ANKS6: variants seen among roughly 807,000 people sequenced by gnomAD.
ANKS6 encodes the protein ankyrin repeat and SAM domain-containing protein 6.
A neutral mutation model predicts 77.9 loss-of-function variants in ANKS6; 47 were observed. The observed-to-expected ratio is 0.60, with a 90% confidence interval of 0.48 to 0.77. The LOEUF is 0.77. Ranked by LOEUF, ANKS6 falls within the 30% of genes least tolerant of loss-of-function variation. ANKS6 has a pLI of 0.00. For synonymous variants in ANKS6, 488 were observed against 501.7 expected, an observed-to-expected ratio of 0.97 and a Z score of 0.37; for missense variants, 1,150 against 1,159.1, an observed-to-expected ratio of 0.99 and a Z score of 0.11.
chr9:98,756,851 C>T (rs1197987355), intron 11 of ANKS6, among the ~76,000 whole-genome samples: 1 of 151,694 alleles, frequency 6.6e-6, no homozygotes, highest in Non-Finnish European at 1.5e-5. Context: ...CAGGAACCAC[C>T]CCGCTCCCCA....
At chr9:98,789,873 C>A in intron 2 of ANKS6, 1 of 526,244 alleles carries the variant, frequency 1.9e-6, no homozygotes. Flanking sequence ...GTTATAGAGG[C>A]TTCCAGGCTC....
intron 14 of ANKS6, 80 bp downstream of exon 14, chr9:98,745,479 A>G: frequency 7.4e-7 from 1 of 1,356,388 alleles, no homozygotes; most frequent in Admixed American, 1.7e-5. Flanking sequence ...AGAGGAAGTA[A>G]GACCTTCCCA....
chr9:98,770,836 C>T, intron 10 of ANKS6, 60 bp downstream of exon 10: 1 of 1,315,552 alleles, frequency 7.6e-7, no homozygotes, highest in Non-Finnish European at 9.8e-7. Flanking sequence ...CCAGGCAGTG[C>T]ACACCCTCAG....
In ANKS6 at chr9:98,733,191, G is replaced by A. The variant is rs769783978; in HGVS notation, c.*3328C>T. The A allele has an allele frequency of 7.1e-6, 7 of 984,436 alleles. No homozygotes were observed. The highest frequency in any genetic ancestry group is 4.7e-5 in the South Asian group (1 of 21,268). The allele number at this position is 984,436 out of a possible 1,614,324, so 61.0% of individuals were successfully genotyped here. The stretch of plus-strand genomic sequence containing the variant: ...GGCACAGGGTAGATGCTCAGTAAAC[G>A]TTCGGTAAACAAAAGAATTAAAAAA... On this transcript the variant is annotated 3_prime_UTR_variant, in exon 15 of 15. Transcript: ENST00000353234.
At position 98,778,370 on chromosome 9, in the gene ANKS6, G is replaced by A. The variant is rs1465135155; in HGVS notation, c.1423C>T (p.Leu475=). The stretch of plus-strand genomic sequence containing the variant: ...TGGTTGCTGGACAGCCCACGGGGCA[G>A]CGTCTGCATCAGTTTGAGCTTTCGG... ...RFRKLKLMQT[L]PRGLSSNQPL... Residue 475 remains leucine (L), a synonymous_variant, in exon 7 of 15, where the codon CTG becomes TTG. Coordinates refer to ENST00000353234, the MANE Select transcript of ANKS6 (RefSeq NM_173551.5). 6.2e-7 allele frequency: 1 copy of A among 1,614,080 alleles called. No homozygotes were observed. Among genetic ancestry groups the A allele is most frequent in the Non-Finnish European group, 8.5e-7 (1 of 1,180,054 alleles).
intron 9 of ANKS6, among the ~76,000 whole-genome samples, chr9:98,772,996 A>C (rs1259301927): frequency 6.6e-6 from 1 of 152,256 alleles, no homozygotes; most frequent in Non-Finnish European, 1.5e-5. Flanking sequence ...GAGCAAATGA[A>C]GCAAGTCAAG....
rs1831504614 is a variant in ANKS6, at chr9:98,736,436, G to T, written c.*83C>A. On this transcript the variant is annotated 3_prime_UTR_variant, in exon 15 of 15. Transcript: ENST00000353234. Reference sequence around the variant, plus strand: ...CAACATGACTAAGGCACAGCAGTGTGACGGGGGCAGGGCTGGGGCTGTGGC... The same window carrying T: ...CAACATGACTAAGGCACAGCAGTGTTACGGGGGCAGGGCTGGGGCTGTGGC... The T allele has an allele frequency of 2.1e-5, 31 of 1,480,762 alleles. No homozygotes were observed. The South Asian group carries it at 3.9e-4, about 19-fold the overall frequency. The allele number at this position is 1,480,762 out of a possible 1,614,324, so 91.7% of individuals were successfully genotyped here. A position where few individuals can be genotyped will look rare whatever the true frequency, so the allele number is the denominator to read the frequency against.
rs116324537 is a variant in ANKS6, at chr9:98,781,372, A to G, written c.1220-1035T>C. On this transcript the variant is annotated intron_variant, in intron 5 of 14. Transcript: ENST00000353234. ...TAGGGAGAAGAGGAACACTGAAAAGATGAGTTTCTCAGAAAAAGTGTGTAT... is the reference window on the plus strand; with the variant it reads ...TAGGGAGAAGAGGAACACTGAAAAGGTGAGTTTCTCAGAAAAAGTGTGTAT... 5.9e-3 allele frequency among the ~76,000 whole-genome samples: 892 copies of G among 152,326 alleles called. 8 individuals carry two copies. The highest frequency in any genetic ancestry group is 0.02 in the African/African-American group (837 of 41,568).
Position 98,735,089 on chromosome 9 carries a change from T to A in ANKS6, c.*1430A>T. Reference sequence around the variant, plus strand: ...AAGGAGACCAACTTGTGGCTCAGCATGGCTCAAGGTAGAGATCAGAATTCT... The same window carrying A: ...AAGGAGACCAACTTGTGGCTCAGCAAGGCTCAAGGTAGAGATCAGAATTCT... On this transcript the variant is annotated 3_prime_UTR_variant, in exon 15 of 15. Coordinates refer to ENST00000353234, the MANE Select transcript of ANKS6 (RefSeq NM_173551.5). The A allele has an allele frequency of 1.0e-6, 1 of 985,420 alleles. No individual in the cohort carries two copies. Among genetic ancestry groups the A allele is most frequent in the Non-Finnish European group, 1.2e-6 (1 of 829,942 alleles). The allele number at this position is 985,420 out of a possible 1,614,324, so 61.0% of individuals were successfully genotyped here.
intron 12 of ANKS6, among the ~76,000 whole-genome samples, chr9:98,755,094 A>G (rs981529323): frequency 1.3e-5 from 2 of 152,152 alleles, no homozygotes; most frequent in Non-Finnish European, 2.9e-5. Flanking sequence ...ATCACACTGG[A>G]TATCACAAAA....
At chr9:98,758,973 A>G (rs1346319281) in intron 11 of ANKS6, among the ~76,000 whole-genome samples, 1 of 152,058 alleles carries the variant, frequency 6.6e-6, no homozygotes, top group Admixed American at 6.5e-5. Context: ...ACCTCCTACA[A>G]TGTGGTTAGG....
chr9:98,795,580 C>T (rs1036700506), intron 1 of ANKS6, among the ~76,000 whole-genome samples: 1 of 152,202 alleles, frequency 6.6e-6, no homozygotes, highest in South Asian at 2.1e-4. Flanking sequence ...TCATGCCTTC[C>T]CACAGCCCAC....
At position 98,750,991 on chromosome 9, in the gene ANKS6, G is replaced by GT. The variant is rs779962586; in HGVS notation, c.2394+37dup. ...CATTTAGACAAATTTTTCTTTCATAGTAAGATTTAAATTGACATTCAAAAA... is the reference window on the plus strand; with the variant it reads ...CATTTAGACAAATTTTTCTTTCATAGTTAAGATTTAAATTGACATTCAAAAA... On this transcript the variant is annotated intron_variant, in intron 13 of 14. Transcript: ENST00000353234. The GT allele has an allele frequency of 2.3e-5, 36 of 1,554,272 alleles. 1 individual carries two copies. The Admixed American group carries it at 3.1e-4, about 14-fold the overall frequency.
At chr9:98,781,868 A>G (rs1009948731) in intron 5 of ANKS6, among the ~76,000 whole-genome samples, 7 of 152,148 alleles carry the variant, frequency 4.6e-5, no homozygotes, top group African/African-American at 7.2e-5. Context: ...CTCCAGGTTG[A>G]TAAGAAAGAC....
rs754990269 is a variant in ANKS6 at position 98,782,452 on chromosome 9, C to A, written c.1219+15G>T. ...CGCTGGGTAGATTTACAACCCTTTT[C>A]TTGAAATTACCTACCGGGATCATTC... On this transcript the variant is annotated intron_variant, in intron 5 of 14. Transcript: ENST00000353234. The A allele has an allele frequency of 6.8e-6, 11 of 1,610,512 alleles. No individual in the cohort carries two copies. The East Asian group carries it at 2.5e-4, about 36-fold the overall frequency.
intron 11 of ANKS6, among the ~76,000 whole-genome samples, chr9:98,763,248 G>C (rs1287059576): frequency 1.3e-5 from 2 of 151,708 alleles, no homozygotes; most frequent in African/African-American, 4.8e-5. Context: ...ACATTCTAGG[G>C]CACAAAATAG....
At chr9:98,783,803 C>CTTT in intron 4 of ANKS6, 150 bp downstream of exon 4, 1 of 420,200 alleles carries the variant, frequency 2.4e-6, no homozygotes, top group Non-Finnish European at 3.7e-6. Flanking sequence ...GCCTGTGCCG[C>CTTT]TTTTTTTTTT....
In ANKS6 at chr9:98,735,423, G is replaced by GT; in HGVS notation, c.*1095dup. 8.5e-7 allele frequency: 1 copy of GT among 1,171,934 alleles called. No individual in the cohort carries two copies. 72.6% of individuals were successfully genotyped at this position (1,171,934 alleles called of 1,614,324 possible). A position where few individuals can be genotyped will look rare whatever the true frequency, so the allele number is the denominator to read the frequency against. On this transcript the variant is annotated 3_prime_UTR_variant, in exon 15 of 15. Coordinates refer to ENST00000353234, the MANE Select transcript of ANKS6 (RefSeq NM_173551.5). ...GGAAAACACTTCAGAAAGCCAGTGG[G>GT]TTTTAAAAGTCAGGGCCCCTCTAAT...
intron 1 of ANKS6, among the ~76,000 whole-genome samples, chr9:98,795,589 A>T (rs1195364646): frequency 6.6e-6 from 1 of 152,068 alleles, no homozygotes; most frequent in Non-Finnish European, 1.5e-5. Context: ...CCCACAGCCC[A>T]CTTGTAATGT....
Sources: gnomAD v4.1 joint callset for allele counts (sites outside exome capture counted in the v4.1 genomes callset) on GRCh38, gnomAD v4.1.1 for gene constraint, MANE v1.5 for transcripts, NCBI Gene and HGNC (gene_info 2026-07-23, HGNC 2026-07-21) for gene names.